The following BTBD9 variants were observed in gnomAD, a reference collection of about 807,000 sequenced individuals.
BTBD9 encodes BTB/POZ domain-containing protein 9.
Under a neutral mutation model 64.3 loss-of-function variants are expected in BTBD9, and 49 were observed. That is an observed-to-expected ratio of 0.76 (90% confidence interval 0.61 to 0.97). The LOEUF is 0.97. BTBD9 is among the 50% of genes least tolerant of loss of function. The pLI is 0.00. For synonymous variants in BTBD9, 260 were observed against 274.7 expected (o/e 0.95, Z 0.53); for missense variants, 598 against 762.1 (o/e 0.78, Z 2.53).
chr6:38,486,482 G>A, intron 6 of BTBD9, among the ~76,000 whole-genome samples: 1 of 152,162 alleles, frequency 6.6e-6, no homozygotes. Context: ...CACTTAAAGA[G>A]ACTACTGTAG....
At chr6:38,392,189 A>T (rs2127623546) in intron 6 of BTBD9, among the ~76,000 whole-genome samples, 1 of 152,260 alleles carries the variant, frequency 6.6e-6, no homozygotes, top group South Asian at 2.1e-4. Context: ...CAGCAAGAGG[A>T]AGCAAGGAGG....
chr6:38,409,128 T>C (rs1767296763), intron 6 of BTBD9, among the ~76,000 whole-genome samples: 2 of 152,182 alleles, frequency 1.3e-5, no homozygotes, highest in Admixed American at 6.5e-5. Flanking sequence ...CAGGTGCCTG[T>C]GATCCCAGGT....
At chr6:38,412,866 C>G (rs57849048) in intron 6 of BTBD9, among the ~76,000 whole-genome samples, 7 of 41,594 alleles carry the variant, frequency 1.7e-4, no homozygotes, top group Non-Finnish European at 3.5e-4. Context: ...CTCAAAACAA[C>G]AACAACAACA....
intron 8 of BTBD9, among the ~76,000 whole-genome samples, chr6:38,281,769 C>T (rs1483480434): frequency 2.0e-5 from 3 of 152,148 alleles, no homozygotes; most frequent in African/African-American, 7.2e-5. Flanking sequence ...GTTTAGTTAG[C>T]TGCATCTATC....
intron 6 of BTBD9, among the ~76,000 whole-genome samples, chr6:38,441,024 G>A (rs536660545): frequency 6.6e-6 from 1 of 152,212 alleles, no homozygotes; most frequent in African/African-American, 2.4e-5. Context: ...AAGTGGAGAA[G>A]CTGGGTGACT....
intron 6 of BTBD9, among the ~76,000 whole-genome samples, chr6:38,512,858 A>C (rs1186625201): frequency 2.6e-5 from 4 of 152,342 alleles, no homozygotes; most frequent in Middle Eastern, 3.4e-3. Flanking sequence ...ATATAGCTTA[A>C]TGCTAAAGTT....
intron 6 of BTBD9, among the ~76,000 whole-genome samples, chr6:38,396,897 C>CTTTTTTTTTTTTTT (rs146597621): frequency 5.0e-3 from 532 of 107,276 alleles, no homozygotes; most frequent in Non-Finnish European, 7.1e-3. Flanking sequence ...TTTTCTTTTT[C>CTTTTTTTTTTTTTT]TTTTTTTTTT....
chr6:38,336,437 G>C (rs1479373027), intron 7 of BTBD9, among the ~76,000 whole-genome samples: 2 of 152,158 alleles, frequency 1.3e-5, no homozygotes, highest in Non-Finnish European at 2.9e-5. Flanking sequence ...TGGCAGAAGG[G>C]GAAGGAGAAG....
chr6:38,489,399 C>T (rs1030727325), intron 6 of BTBD9, among the ~76,000 whole-genome samples: 7 of 152,070 alleles, frequency 4.6e-5, no homozygotes, highest in African/African-American at 1.7e-4. Context: ...CCCAGGAGTT[C>T]AAAGTTGCAA....
chr6:38,326,547 C>A (rs192149178), intron 7 of BTBD9, among the ~76,000 whole-genome samples: 1 of 151,982 alleles, frequency 6.6e-6, no homozygotes. Flanking sequence ...TGGTGGCTTG[C>A]GCTAGGGTGG....
chr6:38,628,273 CA>C (rs1415696140), intron 1 of BTBD9, among the ~76,000 whole-genome samples: 1 of 152,124 alleles, frequency 6.6e-6, no homozygotes, highest in African/African-American at 2.4e-5. Context: ...AACTGTAGTT[CA>C]AATGAATAAC....
intron 1 of BTBD9, among the ~76,000 whole-genome samples, chr6:38,621,407 T>C (rs1208451407): frequency 6.6e-6 from 1 of 152,122 alleles, no homozygotes; most frequent in Non-Finnish European, 1.5e-5. Flanking sequence ...CTCTTGGAAG[T>C]CCCCTTAGCT....
At chr6:38,282,731 C>G (rs1405050703) in intron 8 of BTBD9, among the ~76,000 whole-genome samples, 1 of 152,152 alleles carries the variant, frequency 6.6e-6, no homozygotes, top group Non-Finnish European at 1.5e-5. Context: ...TTGGCACTGC[C>G]GGTGATGCTC....
chr6:38,587,821 A>G, intron 4 of BTBD9: 1 of 716,736 alleles, frequency 1.4e-6, no homozygotes, highest in Non-Finnish European at 2.7e-6. Context: ...TATGGCAGCA[A>G]GTATGTCAGC....
chr6:38,261,222 A>C (rs1426186117), intron 8 of BTBD9, among the ~76,000 whole-genome samples: 1 of 152,164 alleles, frequency 6.6e-6, no homozygotes. Context: ...CACTGAGTCC[A>C]GCGTATTATG....
At chr6:38,478,476 G>T (rs962838744) in intron 6 of BTBD9, among the ~76,000 whole-genome samples, 1 of 152,140 alleles carries the variant, frequency 6.6e-6, no homozygotes, top group South Asian at 2.1e-4. Context: ...ATGGCCGGCA[G>T]TGAGGATGGT....
At chr6:38,539,430 C>T (rs1675333935) in intron 6 of BTBD9, among the ~76,000 whole-genome samples, 1 of 152,158 alleles carries the variant, frequency 6.6e-6, no homozygotes, top group African/African-American at 2.4e-5. Context: ...ATCTGAGACT[C>T]TGGTGTGTAA....
chr6:38,302,485 G>GTGTATATATATATATATA (rs1554137022), intron 7 of BTBD9, among the ~76,000 whole-genome samples: 12 of 106,894 alleles, frequency 1.1e-4, no homozygotes, highest in East Asian at 9.3e-4. Flanking sequence ...TTGTGTGTAT[G>GTGTATATATATATATATA]TATATATATA....
At chr6:38,386,572 T>C (rs1369766837) in intron 6 of BTBD9, among the ~76,000 whole-genome samples, 1 of 151,010 alleles carries the variant, frequency 6.6e-6, no homozygotes, top group East Asian at 1.9e-4. Context: ...TTCTGATCAA[T>C]ATAAATGTAG....
Sources: gnomAD v4.1 joint callset for allele counts (sites outside exome capture counted in the v4.1 genomes callset) on GRCh38, gnomAD v4.1.1 for gene constraint, MANE v1.5 for transcripts, NCBI Gene and HGNC (gene_info 2026-07-23, HGNC 2026-07-21) for gene names.